Variants in PAPPA2 observed in about 807,000 individuals in gnomAD.
PAPPA2 encodes the protein pappalysin 2.
PAPPA2 carries 86 observed loss-of-function variants against 176.4 expected under a neutral mutation model. The ratio of observed to expected loss-of-function variants is 0.49; its 90% confidence interval spans 0.41 to 0.58. The LOEUF is 0.58. Among genes scored for constraint, PAPPA2 ranks in the 20% least tolerant of loss-of-function variants. The probability of loss-of-function intolerance (pLI) is 0.00; values close to 1 mark genes in which losing one functional copy is unlikely to be tolerated. For synonymous variants in PAPPA2, 809 were observed against 852.2 expected, an observed-to-expected ratio of 0.95 and a Z score of 0.88; for missense variants, 2,073 against 2,256.9, an observed-to-expected ratio of 0.92 and a Z score of 1.65.
intron 14 of PAPPA2, among the ~76,000 whole-genome samples, chr1:176,745,596 T>C (rs1419894759): frequency 1.3e-5 from 2 of 152,080 alleles, no homozygotes; most frequent in Non-Finnish European, 2.9e-5. Context: ...TAACCAGTAA[T>C]GGAATTAACT....
At chr1:176,794,953 C>T (rs1415824675) in intron 20 of PAPPA2, among the ~76,000 whole-genome samples, 1 of 152,166 alleles carries the variant, frequency 6.6e-6, no homozygotes, top group Non-Finnish European at 1.5e-5. Context: ...CTATGTCTGC[C>T]AGCCAAGGTG....
chr1:176,632,361 C>T (rs554915887), intron 3 of PAPPA2, among the ~76,000 whole-genome samples: 15 of 151,562 alleles, frequency 9.9e-5, no homozygotes, highest in African/African-American at 3.6e-4. Flanking sequence ...ATCAGAAAAT[C>T]AAATGTCAAG....
At chr1:176,793,880 G>C (rs1483602941) in intron 20 of PAPPA2, among the ~76,000 whole-genome samples, 1 of 152,096 alleles carries the variant, frequency 6.6e-6, no homozygotes, top group African/African-American at 2.4e-5. Flanking sequence ...CGGATCACAA[G>C]GTCAGGAAAT....
intron 17 of PAPPA2, among the ~76,000 whole-genome samples, chr1:176,776,561 G>A (rs564792058): frequency 6.6e-6 from 1 of 152,256 alleles, no homozygotes; most frequent in South Asian, 2.1e-4. Context: ...TGCCTTTAGT[G>A]GAGCCTTGTC....
intron 3 of PAPPA2, among the ~76,000 whole-genome samples, chr1:176,654,756 G>GAC (rs1657933073): frequency 6.6e-6 from 1 of 151,640 alleles, no homozygotes. Context: ...TTATACATCA[G>GAC]TATTTCATAG....
intron 21 of PAPPA2, among the ~76,000 whole-genome samples, chr1:176,803,365 A>G (rs565923280): frequency 3.5e-4 from 54 of 152,248 alleles, no homozygotes; most frequent in African/African-American, 1.3e-3. Flanking sequence ...ATGTTTACTG[A>G]ATGAGTAAAG....
intron 2 of PAPPA2, among the ~76,000 whole-genome samples, chr1:176,586,186 G>A (rs1219646029): frequency 1.3e-5 from 2 of 151,858 alleles, no homozygotes; most frequent in Admixed American, 1.3e-4. Flanking sequence ...TCTTTTTTGT[G>A]TGTGTTTGTG....
At chr1:176,749,389 C>G (rs1663059851) in intron 14 of PAPPA2, among the ~76,000 whole-genome samples, 1 of 152,192 alleles carries the variant, frequency 6.6e-6, no homozygotes. Context: ...CTCCTGCTAT[C>G]AACATCCCCC....
intron 21 of PAPPA2, among the ~76,000 whole-genome samples, chr1:176,838,420 AG>A (rs748766851): frequency 6.6e-6 from 1 of 152,214 alleles, no homozygotes; most frequent in Non-Finnish European, 1.5e-5. Context: ...GGAACTTACT[AG>A]GTTTTGCCAA....
At chr1:176,642,416 A>G (rs1258866906) in intron 3 of PAPPA2, among the ~76,000 whole-genome samples, 1 of 151,830 alleles carries the variant, frequency 6.6e-6, no homozygotes, top group Non-Finnish European at 1.5e-5. Flanking sequence ...AAGCAAAAGG[A>G]CAAAGACACT....
At chr1:176,814,003 G>A (rs1666279039) in intron 21 of PAPPA2, among the ~76,000 whole-genome samples, 1 of 152,068 alleles carries the variant, frequency 6.6e-6, no homozygotes, top group African/African-American at 2.4e-5. Context: ...TCTGCATATG[G>A]CTACCCAGTT....
intron 3 of PAPPA2, among the ~76,000 whole-genome samples, chr1:176,621,888 A>G (rs1053845000): frequency 1.3e-5 from 2 of 152,190 alleles, no homozygotes; most frequent in Non-Finnish European, 2.9e-5. Flanking sequence ...ATTAATATTT[A>G]TTATTATTTG....
At chr1:176,625,637 C>T (rs910514650) in intron 3 of PAPPA2, among the ~76,000 whole-genome samples, 5 of 152,144 alleles carry the variant, frequency 3.3e-5, no homozygotes, top group African/African-American at 1.2e-4. Context: ...CACTGGCATC[C>T]CATACTGAAA....
chr1:176,827,133 A>G (rs200048137), intron 21 of PAPPA2, among the ~76,000 whole-genome samples: 1 of 152,180 alleles, frequency 6.6e-6, no homozygotes, highest in Admixed American at 6.5e-5. Flanking sequence ...CATATTATGG[A>G]CAGCCAGTTC....
At position 176,681,739 on chromosome 1, in the gene PAPPA2, C is replaced by T. The variant is rs1333632266; in HGVS notation, c.2138-8398C>T. On this transcript the variant is annotated intron_variant, in intron 4 of 22. Transcript: ENST00000367662. ...TTTCAGTGCCCTGGAAAGATCTTGG[C>T]TCTTTTAAAAGGGAAAGAAATGTGT... is the stretch of plus-strand genomic sequence containing the variant. Among the ~76,000 whole-genome samples, 4 of 152,158 alleles carry T rather than the reference C, an allele frequency of 2.6e-5. No homozygotes were observed. The East Asian group carries it at 7.7e-4, about 29-fold the overall frequency.
At chr1:176,755,154 T>G (rs1363453563) in intron 14 of PAPPA2, among the ~76,000 whole-genome samples, 1 of 152,094 alleles carries the variant, frequency 6.6e-6, no homozygotes, top group Admixed American at 6.5e-5. Context: ...AACTCTAGGA[T>G]TAGAAGATGA....
At chr1:176,775,840 G>C (rs983182248) in intron 17 of PAPPA2, among the ~76,000 whole-genome samples, 1 of 152,140 alleles carries the variant, frequency 6.6e-6, no homozygotes, top group Non-Finnish European at 1.5e-5. Flanking sequence ...TCCAGAATAA[G>C]ATTTTTCTCT....
At chr1:176,704,934 T>A (rs1660814779) in intron 9 of PAPPA2, among the ~76,000 whole-genome samples, 2 of 152,162 alleles carry the variant, frequency 1.3e-5, no homozygotes, top group African/African-American at 2.4e-5. Flanking sequence ...ACTAGAAAAA[T>A]TAAAAATGTG....
chr1:176,491,277 T>C (rs1309804044), intron 1 of PAPPA2, among the ~76,000 whole-genome samples: 1 of 152,230 alleles, frequency 6.6e-6, no homozygotes, highest in African/African-American at 2.4e-5. Flanking sequence ...TTCTGATGTA[T>C]GTCATGCACT....
Sources: gnomAD v4.1 joint callset for allele counts (sites outside exome capture counted in the v4.1 genomes callset) on GRCh38, gnomAD v4.1.1 for gene constraint, MANE v1.5 for transcripts, NCBI Gene and HGNC (gene_info 2026-07-23, HGNC 2026-07-21) for gene names.